The following MTMR3 variants were observed in gnomAD, a reference collection of about 807,000 sequenced individuals.
The protein encoded by MTMR3 is phosphatidylinositol-3,5-bisphosphate 3-phosphatase MTMR3.
Under a neutral mutation model 132.4 loss-of-function variants are expected in MTMR3, and 32 were observed. That is an observed-to-expected ratio of 0.24 (90% confidence interval 0.18 to 0.32). MTMR3 has a LOEUF of 0.32. Among genes scored for constraint, MTMR3 ranks in the 10% least tolerant of loss-of-function variants. MTMR3 has a pLI of 1.00. For synonymous variants in MTMR3, 556 were observed against 550.3 expected, an observed-to-expected ratio of 1.01 and a Z score of -0.14; for missense variants, 1,216 against 1,489.6, an observed-to-expected ratio of 0.82 and a Z score of 3.02.
At chr22:29,909,585 A>G (rs1413212805) in intron 1 of MTMR3, among the ~76,000 whole-genome samples, 2 of 152,202 alleles carry the variant, frequency 1.3e-5, no homozygotes, top group African/African-American at 4.8e-5. Flanking sequence ...ATTAATGACT[A>G]ATAAATGGTG....
At chr22:29,942,555 A>G (rs2065877103) in intron 1 of MTMR3, among the ~76,000 whole-genome samples, 1 of 152,200 alleles carries the variant, frequency 6.6e-6, no homozygotes, top group Non-Finnish European at 1.5e-5. Flanking sequence ...TGGGAGCACT[A>G]CGGGAGACTA....
In MTMR3 at chr22:29,991,220, A is replaced by G. The variant is rs527514220; in HGVS notation, c.294-284A>G. 14 of 210,358 alleles carry G rather than the reference A, an allele frequency of 6.7e-5. No homozygotes were observed. The East Asian group carries it at 1.3e-3, about 19-fold the overall frequency. The allele number at this position is 210,358 out of a possible 1,614,324, so 13.0% of individuals were successfully genotyped here. Reference sequence around the variant, plus strand: ...CCACTCATGAAAGAGAATAGCTGCCATTTTTCTGTAATAATTGTCATTAAT... The same window carrying G: ...CCACTCATGAAAGAGAATAGCTGCCGTTTTTCTGTAATAATTGTCATTAAT... On this transcript the variant is annotated intron_variant, in intron 6 of 19. Transcript: ENST00000401950.
chr22:29,992,313 G>A (rs737908), intron 7 of MTMR3: 55,796 of 151,990 alleles, frequency 0.37, 10,923 homozygotes, highest in East Asian at 0.72. Context: ...TGATACGCCC[G>A]CCTTGGCCAC....
intron 1 of MTMR3, among the ~76,000 whole-genome samples, chr22:29,902,279 T>C (rs182918602): frequency 6.6e-6 from 1 of 152,320 alleles, no homozygotes; most frequent in Non-Finnish European, 1.5e-5. Context: ...GTTAAATGGG[T>C]AAATTTATAT....
intron 1 of MTMR3, among the ~76,000 whole-genome samples, chr22:29,922,260 TCTC>T (rs1314870199): frequency 6.6e-6 from 1 of 151,976 alleles, no homozygotes; most frequent in Non-Finnish European, 1.5e-5. Context: ...CTCAGGTGAT[TCTC>T]CTGCCTTGAC....
intron 1 of MTMR3, among the ~76,000 whole-genome samples, chr22:29,914,947 TC>T (rs1447346426): frequency 3.9e-5 from 6 of 152,232 alleles, no homozygotes; most frequent in African/African-American, 1.4e-4. Flanking sequence ...ATGTTTAACT[TC>T]CTGTAGATAT....
rs1358545756 is a variant in MTMR3 at position 30,012,445 on chromosome 22, A to C, written c.1199A>C (p.His400Pro). The C allele has an allele frequency of 6.2e-7, 1 of 1,614,218 alleles. No individual in the cohort carries two copies. The change falls in exon 13 of 20, where the codon CAT (histidine) becomes CCT (proline). Residue 400 changes from histidine (H) to proline (P), a missense_variant. Transcript: ENST00000401950. Reference protein sequence around the residue: ...VLLKSALLVVHAVDQDQRPVL... With the variant: ...VLLKSALLVVPAVDQDQRPVL... ...CTGAAATCAGCGCTTCTGGTAGTGC[A>C]TGCTGTGGATCAGGATCAGCGGCCG...
chr22:30,023,595 T>G, intron 19 of MTMR3: 1 of 1,337,286 alleles, frequency 7.5e-7, no homozygotes, highest in Non-Finnish European at 1.1e-6. Context: ...GCCTGGGGCC[T>G]TGGGTGCACA....
intron 5 of MTMR3, chr22:29,981,203 GCATGTCTCCTGGTGCCA>G (rs1234446147): frequency 9.9e-5 from 15 of 152,284 alleles, no homozygotes; most frequent in Non-Finnish European, 1.6e-4. Flanking sequence ...TCAAGATCCA[GCATGTCTCCTGGTGCCA>G]CAATATTCAG....
chr22:30,015,997 T>G (rs1306527767), intron 14 of MTMR3: 1 of 154,140 alleles, frequency 6.5e-6, no homozygotes, highest in African/African-American at 2.4e-5. Context: ...CTGCACTGCC[T>G]CATATGTGTC....
At chr22:29,942,234 G>A (rs978645015) in intron 1 of MTMR3, among the ~76,000 whole-genome samples, 21 of 152,116 alleles carry the variant, frequency 1.4e-4, no homozygotes, top group African/African-American at 5.1e-4. Flanking sequence ...GGCAGCTTCC[G>A]TGATGACCCC....
At chr22:29,914,874 A>C (rs1236257127) in intron 1 of MTMR3, among the ~76,000 whole-genome samples, 1 of 152,160 alleles carries the variant, frequency 6.6e-6, no homozygotes, top group African/African-American at 2.4e-5. Flanking sequence ...ACTACTATTC[A>C]GTTTGAATAT....
intron 1 of MTMR3, among the ~76,000 whole-genome samples, chr22:29,892,010 C>T (rs2064808998): frequency 6.6e-6 from 1 of 151,880 alleles, no homozygotes; most frequent in Admixed American, 6.6e-5. Context: ...AAAATTAGCC[C>T]AGCGTGGTGG....
chr22:29,961,727 C>T (rs1341815444), intron 2 of MTMR3, among the ~76,000 whole-genome samples: 1 of 152,118 alleles, frequency 6.6e-6, no homozygotes, highest in Non-Finnish European at 1.5e-5. Flanking sequence ...TGTCCTAGGC[C>T]TTCACACATT....
Position 29,945,113 on chromosome 22 carries a change from A to C in MTMR3, c.-137-11923A>C, listed in dbSNP as rs991266406. Among the ~76,000 whole-genome samples the C allele has an allele frequency of 2.0e-5, 3 of 152,136 alleles. No individual in the cohort carries two copies. In the East Asian group the frequency reaches 5.8e-4, roughly 29 times the overall value. On this transcript the variant is annotated intron_variant, in intron 1 of 19. Transcript: ENST00000401950. ...CTGCATCCTCAGCCTCCTGGACTCGAGTGATTCTCTAGCCTCAGCCTTCTA... is the reference window on the plus strand; with the variant it reads ...CTGCATCCTCAGCCTCCTGGACTCGCGTGATTCTCTAGCCTCAGCCTTCTA...
intron 1 of MTMR3, among the ~76,000 whole-genome samples, chr22:29,932,993 G>A (rs537821613): frequency 5.2e-4 from 79 of 151,906 alleles, no homozygotes; most frequent in Non-Finnish European, 8.2e-4. Context: ...TTTTGAGATG[G>A]CGTCTTGCTC....
chr22:29,945,380 A>G (rs1035274832), intron 1 of MTMR3, among the ~76,000 whole-genome samples: 1 of 152,098 alleles, frequency 6.6e-6, no homozygotes, highest in Non-Finnish European at 1.5e-5. Context: ...GGCACAGTGA[A>G]CTCTGCAGGG....
intron 1 of MTMR3, among the ~76,000 whole-genome samples, chr22:29,915,495 C>G (rs1447813066): frequency 2.0e-5 from 3 of 152,182 alleles, no homozygotes; most frequent in African/African-American, 2.4e-5. Context: ...CATCTTGGCT[C>G]ACTGCAACCT....
At chr22:29,961,097 T>TG (rs1440233867) in intron 2 of MTMR3, among the ~76,000 whole-genome samples, 1 of 152,134 alleles carries the variant, frequency 6.6e-6, no homozygotes, top group Admixed American at 6.5e-5. Context: ...ATTGAAAACT[T>TG]ATGGCAAGTT....
Sources: allele counts gnomAD v4.1 joint callset (sites outside exome capture counted in the v4.1 genomes callset), GRCh38; gene constraint gnomAD v4.1.1; transcripts MANE v1.5; gene names NCBI Gene and HGNC (gene_info 2026-07-23, HGNC 2026-07-21).